Variants in CDC42SE2 observed in about 807,000 individuals in gnomAD.
CDC42SE2 encodes CDC42 small effector protein 2.
In CDC42SE2, 3 loss-of-function variants were observed where a neutral mutation model predicts 11.5. That is an observed-to-expected ratio of 0.26 (90% CI 0.12 to 0.67). The LOEUF is 0.67. Among genes scored for constraint, CDC42SE2 ranks in the 30% least tolerant of loss-of-function variants. The pLI, the probability that CDC42SE2 is intolerant of heterozygous loss-of-function variation, is 0.80. For missense variants in CDC42SE2, 82 were observed against 106.8 expected, an observed-to-expected ratio of 0.77 and a Z score of 1.02; for synonymous variants, 33 against 34.8, an observed-to-expected ratio of 0.95 and a Z score of 0.18.
chr5:131,335,113 A>C (rs1580761192), intron 2 of CDC42SE2, among the ~76,000 whole-genome samples: 1 of 152,090 alleles, frequency 6.6e-6, no homozygotes, highest in Non-Finnish European at 1.5e-5. Flanking sequence ...TAGTGCTATA[A>C]ATTTCCCTCT....
intron 2 of CDC42SE2, among the ~76,000 whole-genome samples, chr5:131,335,636 A>T (rs1263156520): frequency 3.3e-5 from 5 of 152,166 alleles, no homozygotes; most frequent in African/African-American, 7.2e-5. Context: ...GACTTGCTTT[A>T]TGAATCTGGG....
intron 3 of CDC42SE2, among the ~76,000 whole-genome samples, chr5:131,371,904 C>T (rs1396869447): frequency 2.6e-5 from 4 of 152,130 alleles, no homozygotes; most frequent in African/African-American, 9.7e-5. Flanking sequence ...TATTATCTGC[C>T]ATTTTTACAG....
At chr5:131,322,058 G>A (rs894680854) in intron 2 of CDC42SE2, among the ~76,000 whole-genome samples, 5 of 151,618 alleles carry the variant, frequency 3.3e-5, no homozygotes, top group African/African-American at 9.7e-5. Context: ...CACCGTGTTA[G>A]CCAGGATGGT....
At chr5:131,318,686 T>TA (rs1345074242) in intron 2 of CDC42SE2, among the ~76,000 whole-genome samples, 5 of 152,174 alleles carry the variant, frequency 3.3e-5, no homozygotes, top group Admixed American at 3.3e-4. Flanking sequence ...CCTCTAGACT[T>TA]ACAGTTGCAT....
chr5:131,353,282 A>T (rs1259464888), intron 2 of CDC42SE2, among the ~76,000 whole-genome samples: 2 of 141,450 alleles, frequency 1.4e-5, no homozygotes, highest in African/African-American at 5.1e-5. Context: ...ATTTATTAAT[A>T]ATTTTTTTTT....
intron 3 of CDC42SE2, among the ~76,000 whole-genome samples, chr5:131,374,942 CAG>C (rs1276584947): frequency 6.6e-6 from 1 of 151,410 alleles, no homozygotes; most frequent in African/African-American, 2.4e-5. Flanking sequence ...CCCATAGTGA[CAG>C]AAATTTCTAG....
intron 2 of CDC42SE2, among the ~76,000 whole-genome samples, chr5:131,350,894 G>A (rs988459980): frequency 3.9e-5 from 6 of 152,022 alleles, no homozygotes; most frequent in Non-Finnish European, 7.4e-5. Flanking sequence ...ATAGACAAGT[G>A]CAATACAATA....
upstream of CDC42SE2, among the ~76,000 whole-genome samples, chr5:131,241,018 G>A (rs1362775439): frequency 2.2e-4 from 33 of 151,840 alleles, no homozygotes; most frequent in Admixed American, 2.1e-3. Flanking sequence ...TTGCTCTGTC[G>A]CCCAGGCTGG....
At chr5:131,288,767 G>C (rs1757392146) in intron 1 of CDC42SE2, among the ~76,000 whole-genome samples, 1 of 152,208 alleles carries the variant, frequency 6.6e-6, no homozygotes. Flanking sequence ...CTGCTTTAGA[G>C]ATACCTACTG....
chr5:131,268,716 T>G (rs1456930811), intron 1 of CDC42SE2, among the ~76,000 whole-genome samples: 1 of 150,122 alleles, frequency 6.7e-6, no homozygotes, highest in East Asian at 2.0e-4. Flanking sequence ...CCTCCCAAAG[T>G]GCTGAGATTG....
At position 131,285,451 on chromosome 5, in the gene CDC42SE2, A is replaced by G. The variant is rs533984714; in HGVS notation, c.-455+21285A>G. ...ATTATAAATAAAATAATTTCTGACTATGGCTAAGAGAACTTTTAATTTTTC... is the reference window on the plus strand; with the variant it reads ...ATTATAAATAAAATAATTTCTGACTGTGGCTAAGAGAACTTTTAATTTTTC... On this transcript the variant is annotated intron_variant, in intron 1 of 4. Coordinates refer to ENST00000505065, the MANE Select transcript of CDC42SE2 (RefSeq NM_001375635.1). Among the ~76,000 whole-genome samples, 69 of 152,350 alleles carry G rather than the reference A, an allele frequency of 4.5e-4. 1 individual carries two copies. In the South Asian group the frequency reaches 8.5e-3, roughly 19 times the overall value.
chr5:131,286,970 G>A (rs1757354264), intron 1 of CDC42SE2, among the ~76,000 whole-genome samples: 1 of 151,860 alleles, frequency 6.6e-6, no homozygotes, highest in Non-Finnish European at 1.5e-5. Flanking sequence ...TAGTTCATGG[G>A]TCAACTGTAT....
chr5:131,373,042 A>T (rs1750054244), intron 3 of CDC42SE2, among the ~76,000 whole-genome samples: 1 of 152,182 alleles, frequency 6.6e-6, no homozygotes. Context: ...TGAAATGAAC[A>T]TGACCATCAA....
At chr5:131,273,427 A>G (rs1401503645) in intron 1 of CDC42SE2, among the ~76,000 whole-genome samples, 1 of 149,074 alleles carries the variant, frequency 6.7e-6, no homozygotes, top group Non-Finnish European at 1.5e-5. Context: ...AAGTGCTGGG[A>G]TTATAGGCAT....
upstream of CDC42SE2, chr5:131,245,471 C>G (rs749529937): frequency 6.6e-6 from 1 of 152,168 alleles, no homozygotes; most frequent in Non-Finnish European, 1.5e-5. Context: ...AATACTTAGT[C>G]TTCTCACATA....
At chr5:131,328,709 T>G (rs1328678985) in intron 2 of CDC42SE2, among the ~76,000 whole-genome samples, 2 of 152,212 alleles carry the variant, frequency 1.3e-5, no homozygotes, top group Admixed American at 1.3e-4. Flanking sequence ...TAGTTTATGT[T>G]ATAGATGTGT....
intron 3 of CDC42SE2, among the ~76,000 whole-genome samples, chr5:131,370,245 G>A (rs1244378917): frequency 6.6e-6 from 1 of 151,760 alleles, no homozygotes; most frequent in Non-Finnish European, 1.5e-5. Flanking sequence ...ACCATGTAAA[G>A]GAAAAGAAAA....
chr5:131,339,994 C>T (rs1758674430), intron 2 of CDC42SE2, among the ~76,000 whole-genome samples: 1 of 152,050 alleles, frequency 6.6e-6, no homozygotes, highest in Non-Finnish European at 1.5e-5. Flanking sequence ...AAACACCTAT[C>T]ACAAAAAAAG....
intron 1 of CDC42SE2, among the ~76,000 whole-genome samples, chr5:131,252,165 G>T (rs546091241): frequency 1.1e-3 from 164 of 152,132 alleles, no homozygotes; most frequent in South Asian, 7.9e-3. Context: ...ATGAATGAAG[G>T]TTACAAGAAG....
Sources: gnomAD v4.1 joint callset for allele counts (sites outside exome capture counted in the v4.1 genomes callset) on GRCh38, gnomAD v4.1.1 for gene constraint, MANE v1.5 for transcripts, NCBI Gene and HGNC (gene_info 2026-07-23, HGNC 2026-07-21) for gene names.